SUGCT: variants seen among roughly 807,000 people sequenced by gnomAD.
SUGCT encodes succinyl-CoA:glutarate-CoA transferase.
In SUGCT, 41 loss-of-function variants were observed where a neutral mutation model predicts 55.0. The observed-to-expected ratio is 0.74, with a 90% CI of 0.58 to 0.97. SUGCT has a LOEUF of 0.97. Among genes scored for constraint, SUGCT ranks in the 50% least tolerant of loss-of-function variants. SUGCT has a pLI of 0.00. For synonymous variants in SUGCT, 187 were observed against 200.4 expected, an observed-to-expected ratio of 0.93 and a Z score of 0.56; for missense variants, 568 against 547.8, an observed-to-expected ratio of 1.04 and a Z score of -0.37.
intron 8 of SUGCT, among the ~76,000 whole-genome samples, chr7:40,298,793 T>G (rs1794340095): frequency 1.3e-5 from 2 of 152,116 alleles, no homozygotes. Flanking sequence ...TGTATAAGGT[T>G]TTTAGACAAA....
chr7:40,785,640 A>G (rs947212359), intron 13 of SUGCT, among the ~76,000 whole-genome samples: 3 of 152,134 alleles, frequency 2.0e-5, no homozygotes, highest in African/African-American at 7.2e-5. Flanking sequence ...ACACGGTTCC[A>G]TTTTCAATGT....
At chr7:40,963,723 A>G in the SUGCT span, among the ~76,000 whole-genome samples, 17 of 139,892 alleles carry the variant, frequency 1.2e-4, 1 homozygote, top group South Asian at 2.8e-3. Context: ...ACAGTCATCA[A>G]TGTGTATTCA....
intron 3 of SUGCT, among the ~76,000 whole-genome samples, chr7:40,183,575 C>T (rs1186237548): frequency 6.6e-6 from 1 of 152,114 alleles, no homozygotes; most frequent in Non-Finnish European, 1.5e-5. Context: ...GTCTTGAACT[C>T]CTGTCTCAGC....
chr7:40,449,206 T>C, intron 9 of SUGCT, 81 bp from the exon 10 acceptor site: 1 of 887,180 alleles, frequency 1.1e-6, no homozygotes, highest in Non-Finnish European at 1.8e-6. Context: ...ACAAGCTTTC[T>C]ATATAGATAT....
chr7:40,140,013 C>T (rs1367620896), intron 1 of SUGCT, among the ~76,000 whole-genome samples: 1 of 151,900 alleles, frequency 6.6e-6, no homozygotes, highest in Admixed American at 6.6e-5. Context: ...AGCGATTCTC[C>T]TACCTTATCC....
At chr7:40,349,253 G>A (rs1327812836) in intron 9 of SUGCT, among the ~76,000 whole-genome samples, 1 of 152,202 alleles carries the variant, frequency 6.6e-6, no homozygotes, top group Non-Finnish European at 1.5e-5. Flanking sequence ...AGCTTTACAG[G>A]AGTGTGCAGG....
chr7:40,272,244 C>T (rs921980152), intron 7 of SUGCT, among the ~76,000 whole-genome samples: 3 of 134,196 alleles, frequency 2.2e-5, no homozygotes, highest in Non-Finnish European at 1.5e-5. Context: ...ATGATCATAG[C>T]TCATTCCAGC....
chr7:40,266,911 G>A (rs1029965249), intron 7 of SUGCT, among the ~76,000 whole-genome samples: 5 of 152,098 alleles, frequency 3.3e-5, no homozygotes, highest in African/African-American at 1.2e-4. Context: ...AGCTACTCGG[G>A]AGGCTGAGGC....
chr7:40,209,787 C>T (rs999584058), intron 6 of SUGCT, among the ~76,000 whole-genome samples: 1 of 151,938 alleles, frequency 6.6e-6, no homozygotes, highest in Non-Finnish European at 1.5e-5. Context: ...CAGAGTGAGA[C>T]TCTATCTCAA....
At chr7:40,771,747 C>G (rs1453487746) in intron 13 of SUGCT, among the ~76,000 whole-genome samples, 2 of 152,080 alleles carry the variant, frequency 1.3e-5, no homozygotes, top group African/African-American at 4.8e-5. Flanking sequence ...AAAAGACATT[C>G]TGGCTCTTAA....
chr7:40,517,359 C>T (rs1793299684), intron 12 of SUGCT, among the ~76,000 whole-genome samples: 3 of 151,494 alleles, frequency 2.0e-5, no homozygotes, highest in African/African-American at 2.4e-5. Context: ...TCTTGATCTC[C>T]CTGGATAGGA....
chr7:40,730,688 C>T (rs978297348), intron 12 of SUGCT, among the ~76,000 whole-genome samples: 2 of 152,194 alleles, frequency 1.3e-5, no homozygotes, highest in Admixed American at 6.5e-5. Context: ...CAATATCTCT[C>T]TACCACCCTC....
intron 8 of SUGCT, among the ~76,000 whole-genome samples, chr7:40,309,073 C>T (rs1453764944): frequency 6.6e-6 from 1 of 152,208 alleles, no homozygotes; most frequent in Non-Finnish European, 1.5e-5. Context: ...AATATAACAT[C>T]TTCAAAGAGG....
the SUGCT span, among the ~76,000 whole-genome samples, chr7:40,941,892 T>A: frequency 6.6e-6 from 1 of 152,152 alleles, no homozygotes; most frequent in African/African-American, 2.4e-5. Flanking sequence ...CTACTACTGT[T>A]CATTTTTTGT....
intron 9 of SUGCT, among the ~76,000 whole-genome samples, chr7:40,320,826 A>C (rs551807657): frequency 7.8e-4 from 119 of 152,336 alleles, no homozygotes; most frequent in Non-Finnish European, 1.3e-3. Context: ...ATACAAGTGC[A>C]GGTTTGTTAC....
At chr7:40,255,299 A>G (rs1790735109) in intron 7 of SUGCT, among the ~76,000 whole-genome samples, 1 of 151,928 alleles carries the variant, frequency 6.6e-6, no homozygotes, top group Admixed American at 6.6e-5. Context: ...TTGCAAGAGA[A>G]AAGAACACTG....
At chr7:40,510,283 CAG>C (rs1436878536) in intron 12 of SUGCT, among the ~76,000 whole-genome samples, 14 of 152,018 alleles carry the variant, frequency 9.2e-5, no homozygotes, top group African/African-American at 2.7e-4. Context: ...GTTGAAAAGA[CAG>C]AGAAAATCTG....
At chr7:40,812,981 G>A (rs902239055) in intron 13 of SUGCT, among the ~76,000 whole-genome samples, 3 of 152,040 alleles carry the variant, frequency 2.0e-5, no homozygotes, top group Non-Finnish European at 4.4e-5. Context: ...TTAATCAGAA[G>A]TCATTCAGGG....
intron 13 of SUGCT, among the ~76,000 whole-genome samples, chr7:40,761,063 A>G (rs938124928): frequency 2.2e-4 from 33 of 152,376 alleles, no homozygotes; most frequent in African/African-American, 7.5e-4. Flanking sequence ...AAGAAATAAC[A>G]TAAAACAAAT....
Sources: gnomAD v4.1 joint callset for allele counts (sites outside exome capture counted in the v4.1 genomes callset) on GRCh38, gnomAD v4.1.1 for gene constraint, MANE v1.5 for transcripts, NCBI Gene and HGNC (gene_info 2026-07-23, HGNC 2026-07-21) for gene names.